Variants in ANKDD1A observed in about 807,000 individuals in gnomAD.
ANKDD1A encodes ankyrin repeat and death domain containing 1A.
Under a neutral mutation model 63.5 loss-of-function variants are expected in ANKDD1A, and 59 were observed. The ratio of observed to expected loss-of-function variants is 0.93; its 90% CI spans 0.75 to 1.15. The LOEUF (loss-of-function observed/expected upper bound fraction) is 1.15, where lower values mean the gene tolerates loss of function less well. Among genes scored for constraint, ANKDD1A ranks in the 50% most tolerant of loss-of-function variants. The pLI is 0.00. For synonymous variants in ANKDD1A, 266 were observed against 263.9 expected, an observed-to-expected ratio of 1.01 and a Z score of -0.08; for missense variants, 632 against 656.4, an observed-to-expected ratio of 0.96 and a Z score of 0.41.
intron 6 of ANKDD1A, among the ~76,000 whole-genome samples, chr15:64,929,954 T>A (rs2085076003): frequency 6.6e-6 from 1 of 152,124 alleles, no homozygotes; most frequent in Admixed American, 6.5e-5. Context: ...GGGACATGGA[T>A]GAAGCCAGGA....
rs143698274 is a variant in ANKDD1A, at chr15:64,926,888, T to A, written c.472-13T>A. The A allele has an allele frequency of 1.0e-3, 1,635 of 1,613,970 alleles. 9 individuals carry two copies. Among genetic ancestry groups the A allele is most frequent in the Middle Eastern group, 6.6e-3 (40 of 6,042 alleles). Reference sequence around the variant, plus strand: ...GAGTGAGGAAGGCTCACACCGCTTCTCCTCCCGGCCAGCTGGGGAGGACGG... The same window carrying A: ...GAGTGAGGAAGGCTCACACCGCTTCACCTCCCGGCCAGCTGGGGAGGACGG... On this transcript the variant is annotated splice_polypyrimidine_tract_variant and intron_variant, in intron 5 of 14. Coordinates refer to ENST00000319580, the MANE Select transcript of ANKDD1A (RefSeq NM_182703.6).
chr15:64,952,303 CCTT>C lies in ANKDD1A; in HGVS notation c.1483+2333_1483+2335del, dbSNP rs568975245. Among the ~76,000 whole-genome samples, 71 of 145,204 alleles carry C rather than the reference CCTT, an allele frequency of 4.9e-4. No individual in the cohort carries two copies. In the South Asian group the frequency reaches 9.1e-3, roughly 19 times the overall value. ...TCTTCCTTCTCCTTCCTCTCCTCCT[CCTT>C]CGTTCTTTTTCTTTCTTCCTTCTTC... is the stretch of plus-strand genomic sequence containing the variant. On this transcript the variant is annotated intron_variant, in intron 14 of 14. Coordinates refer to ENST00000319580, the MANE Select transcript of ANKDD1A (RefSeq NM_182703.6).
chr15:64,947,523 G>A lies in ANKDD1A; in HGVS notation c.1281G>A (p.Glu427=), dbSNP rs1157428426. ...RLASRYLQPR[E]WKKLAYSWEF... ...CCTCCAGGTATCTGCAGCCCCGTGA[G>A]TGGAAGAAGCTGGCATATTCCTGGG... is the stretch of plus-strand genomic sequence containing the variant. The change falls in exon 13 of 15, where the codon GAG becomes GAA. Residue 427 remains glutamate, a synonymous_variant. Coordinates refer to ENST00000319580, the MANE Select transcript of ANKDD1A (RefSeq NM_182703.6). 11 of 1,614,042 alleles carry A rather than the reference G, an allele frequency of 6.8e-6. No homozygotes were observed. The highest frequency in any genetic ancestry group is 9.3e-6 in the Non-Finnish European group (11 of 1,180,024).
At position 64,926,883 on chromosome 15, in the gene ANKDD1A, G is replaced by C; in HGVS notation, c.472-18G>C. On this transcript the variant is annotated intron_variant, in intron 5 of 14. Coordinates refer to ENST00000319580, the MANE Select transcript of ANKDD1A (RefSeq NM_182703.6). ...TGACAGAGTGAGGAAGGCTCACACCGCTTCTCCTCCCGGCCAGCTGGGGAG... is the reference window on the plus strand; with the variant it reads ...TGACAGAGTGAGGAAGGCTCACACCCCTTCTCCTCCCGGCCAGCTGGGGAG... The C allele has an allele frequency of 1.2e-6, 2 of 1,613,854 alleles. No individual in the cohort carries two copies. Among genetic ancestry groups the C allele is most frequent in the Non-Finnish European group, 1.7e-6 (2 of 1,179,834 alleles).
chr15:64,923,611 G>A (rs2085023849), intron 4 of ANKDD1A, among the ~76,000 whole-genome samples: 1 of 152,182 alleles, frequency 6.6e-6, no homozygotes, highest in Non-Finnish European at 1.5e-5. Flanking sequence ...TGGTGGGAGT[G>A]CCTGAAAGCA....
chr15:64,927,069 C>T, intron 6 of ANKDD1A, 70 bp downstream of exon 6: 2 of 1,529,298 alleles, frequency 1.3e-6, no homozygotes. Flanking sequence ...GCTCTGGCTC[C>T]TCACCTGTGT....
At position 64,943,554 on chromosome 15, in the gene ANKDD1A, C is replaced by A. The variant is rs777701317; in HGVS notation, c.1037C>A (p.Ala346Asp). The A allele has an allele frequency of 6.2e-7, 1 of 1,614,184 alleles. No individual in the cohort carries two copies. Residue 346 changes from alanine (A) to aspartate (D), a missense_variant, in exon 11 of 15, where the codon GCT becomes GAT. Physicochemically the swap from Ala to Asp is moderately radical, Grantham distance 126. Transcript: ENST00000319580. ...WQDIADMLLI[A>D]GVDLNLRDKQ... ...GACATAGCAGATATGCTCCTCATTG[C>A]TGGGGTTGACTTAAACCTGAGAGAT...
chr15:64,956,047 TGA>T (rs2085413551), intron 14 of ANKDD1A, among the ~76,000 whole-genome samples: 2 of 152,134 alleles, frequency 1.3e-5, no homozygotes, highest in Admixed American at 6.6e-5. Context: ...GAAAAAAGGA[TGA>T]GAGTGCTTTC....
At chr15:64,917,254 A>C (rs1595845873) in intron 2 of ANKDD1A, 132 bp from the exon 3 acceptor site, 8 of 1,216,648 alleles carry the variant, frequency 6.6e-6, no homozygotes, top group African/African-American at 1.5e-5. Context: ...CTGGGTCCCC[A>C]GCTAGCTGGG....
intron 11 of ANKDD1A, chr15:64,943,826 G>T: frequency 3.8e-6 from 2 of 531,566 alleles, no homozygotes; most frequent in Non-Finnish European, 3.4e-6. Context: ...TGAAATGATT[G>T]CTTTCTCCTT....
At chr15:64,954,769 TCTTCTTCTCCTTCTTCCTTCTCCTTAG>T (rs2085397820) in intron 14 of ANKDD1A, among the ~76,000 whole-genome samples, 227 of 147,324 alleles carry the variant, frequency 1.5e-3, no homozygotes, top group African/African-American at 5.7e-3. Context: ...TGTTCTTCTT[TCTTCTTCTCCTTCTTCCTTCTCCTTAG>T]TTGTTCTTCT....
At chr15:64,912,978 G>C (rs988168898) in intron 1 of ANKDD1A, among the ~76,000 whole-genome samples, 2 of 152,236 alleles carry the variant, frequency 1.3e-5, no homozygotes, top group African/African-American at 4.8e-5. Flanking sequence ...AAAGGCTCAG[G>C]TAGCTCAGTG....
chr15:64,927,303 T>C (rs1015162935), intron 6 of ANKDD1A, among the ~76,000 whole-genome samples: 1 of 152,150 alleles, frequency 6.6e-6, no homozygotes, highest in African/African-American at 2.4e-5. Flanking sequence ...GTGGCAGATC[T>C]GGGTGGTTGG....
intron 13 of ANKDD1A, among the ~76,000 whole-genome samples, chr15:64,947,831 AC>A (rs1361857735): frequency 1.3e-5 from 2 of 152,216 alleles, no homozygotes; most frequent in Admixed American, 1.3e-4. Context: ...CCAAACTGAT[AC>A]CCACTGTTTA....
At chr15:64,929,138 T>C (rs1354644739) in intron 6 of ANKDD1A, among the ~76,000 whole-genome samples, 1 of 152,250 alleles carries the variant, frequency 6.6e-6, no homozygotes, top group African/African-American at 2.4e-5. Flanking sequence ...TGTTGAGGGC[T>C]TTTTAAAATT....
At chr15:64,940,185 A>C (rs2085169514) in intron 9 of ANKDD1A, among the ~76,000 whole-genome samples, 1 of 152,058 alleles carries the variant, frequency 6.6e-6, no homozygotes, top group African/African-American at 2.4e-5. Flanking sequence ...TAGACATTTC[A>C]CTGAAGAGGA....
chr15:64,917,418 T>G lies in ANKDD1A; in HGVS notation c.171T>G (p.Gly57=). Residue 57 remains glycine, a synonymous_variant, in exon 3 of 15, where the codon GGT becomes GGG. Transcript: ENST00000319580. ...VGRVALHWAA[G]AGHEQAVRLL... is the part of the protein sequence containing the mutation. ...GGGTGGCCCTGCACTGGGCTGCAGG[T>G]GCAGGGCACGAGCAGGCTGTGCGTC... 6.2e-7 allele frequency: 1 copy of G among 1,611,150 alleles called. No homozygotes were observed. Among genetic ancestry groups the G allele is most frequent in the Non-Finnish European group, 8.5e-7 (1 of 1,179,346 alleles).
Position 64,915,869 on chromosome 15 carries a change from G to A in ANKDD1A, c.107G>A (p.Gly36Glu). 1 of 1,614,044 alleles carries A rather than the reference G, an allele frequency of 6.2e-7. No homozygotes were observed. Among genetic ancestry groups the A allele is most frequent in the Admixed American group, 1.7e-5 (1 of 60,000 alleles). The change falls in exon 2 of 15, where the codon GGG becomes GAG. Residue 36 changes from glycine (G) to glutamate (E), a missense_variant. Gly to Glu is a moderately conservative substitution (Grantham distance 98). Coordinates refer to ENST00000319580, the MANE Select transcript of ANKDD1A (RefSeq NM_182703.6). Reference sequence around the variant, plus strand: ...GTCGGCAGGATGCAGGAGCTGATTGGGAGGAGGGTTAACACCAGGGCCAGA... The same window carrying A: ...GTCGGCAGGATGCAGGAGCTGATTGAGAGGAGGGTTAACACCAGGGCCAGA... ...NNVGRMQELI[G>E]RRVNTRARNH... is the part of the protein sequence containing the mutation.
At chr15:64,914,218 C>CA (rs2084953438) in intron 1 of ANKDD1A, 1 of 152,198 alleles carries the variant, frequency 6.6e-6, no homozygotes, top group South Asian at 2.1e-4. Context: ...GATCTCCTGA[C>CA]CTCGTGATCC....
Sources: allele counts gnomAD v4.1 joint callset (sites outside exome capture counted in the v4.1 genomes callset), GRCh38; gene constraint gnomAD v4.1.1; transcripts MANE v1.5; gene names NCBI Gene and HGNC (gene_info 2026-07-23, HGNC 2026-07-21).